The following DCN variants were observed in gnomAD, a reference collection of about 807,000 sequenced individuals.
DCN encodes the protein bone proteoglycan II.
DCN carries 17 observed loss-of-function variants against 36.5 expected under a neutral mutation model. The observed-to-expected ratio is 0.47, with a 90% confidence interval of 0.32 to 0.70. DCN has a LOEUF of 0.70. DCN is among the 30% of genes least tolerant of loss of function. The probability of loss-of-function intolerance (pLI) is 0.04; values close to 1 mark genes in which losing one functional copy is unlikely to be tolerated. For missense variants in DCN, 389 were observed against 430.1 expected (o/e 0.90, Z 0.84); for synonymous variants, 163 against 161.4 (o/e 1.01, Z -0.07).
intron 2 of DCN, among the ~76,000 whole-genome samples, chr12:91,166,414 G>T (rs1882577555): frequency 6.6e-6 from 1 of 152,112 alleles, no homozygotes; most frequent in African/African-American, 2.4e-5. Context: ...ATGTCAATTT[G>T]CTAATTTCAT....
chr12:91,152,322 C>T (rs1478876350), intron 6 of DCN, among the ~76,000 whole-genome samples: 3 of 142,140 alleles, frequency 2.1e-5, no homozygotes, highest in Non-Finnish European at 4.4e-5. Flanking sequence ...TATACACATT[C>T]AAAGATATAT....
chr12:91,163,169 G>A (rs1018572291), intron 3 of DCN, among the ~76,000 whole-genome samples: 5 of 152,178 alleles, frequency 3.3e-5, no homozygotes, highest in African/African-American at 1.2e-4. Context: ...GTGAGAAAAT[G>A]CATTTTATAG....
rs532851544 is a variant in DCN, at chr12:91,175,046, A to T, written c.211+3296T>A. 8 of 152,190 alleles carry T rather than the reference A, an allele frequency of 5.3e-5. No homozygotes were observed. The South Asian group carries it at 1.2e-3, about 24-fold the overall frequency. 9.4% of individuals were successfully genotyped at this position (152,190 alleles called of 1,614,324 possible). A position where few individuals can be genotyped will look rare whatever the true frequency, so the allele number is the denominator to read the frequency against. ...TCCCATCAAAATCAGAACGTTTTAA[A>T]TTTTTTTGATTTTTAGAAGAATGAG... On this transcript the variant is annotated intron_variant, in intron 2 of 7. Transcript: ENST00000052754.
chr12:91,145,804 G>A lies in DCN; in HGVS notation c.*254C>T. ...ATTTACTCCAAATTTTACATTTAGT[G>A]AAATAAGAATATCTCTAGTAGCTCA... On this transcript the variant is annotated 3_prime_UTR_variant, in exon 8 of 8. Transcript: ENST00000052754. 1 of 486,894 alleles carries A rather than the reference G, an allele frequency of 2.1e-6. No individual in the cohort carries two copies. The highest frequency in any genetic ancestry group is 3.7e-6 in the Non-Finnish European group (1 of 270,150). The allele number at this position is 486,894 out of a possible 1,614,324, so 30.2% of individuals were successfully genotyped here.
intron 2 of DCN, among the ~76,000 whole-genome samples, chr12:91,173,481 C>A (rs1425418222): frequency 6.6e-6 from 1 of 152,148 alleles, no homozygotes; most frequent in Non-Finnish European, 1.5e-5. Flanking sequence ...ACTTGTTTAA[C>A]CAGGTCACAT....
rs926605559 is a variant in DCN, at chr12:91,144,985, G to A, written c.*1073C>T. Reference sequence around the variant, plus strand: ...ATTATTTTTTCCCATATGAAACTATGATTTATAGGGGTTTTAACCATCAAA... The same window carrying A: ...ATTATTTTTTCCCATATGAAACTATAATTTATAGGGGTTTTAACCATCAAA... On this transcript the variant is annotated 3_prime_UTR_variant, in exon 8 of 8. Coordinates refer to ENST00000052754, the MANE Select transcript of DCN (RefSeq NM_001920.5). 1.3e-5 allele frequency: 2 copies of A among 152,232 alleles called. No individual in the cohort carries two copies. The highest frequency in any genetic ancestry group is 2.1e-4 in the South Asian group (1 of 4,814). 9.4% of individuals were successfully genotyped at this position (152,232 alleles called of 1,614,324 possible).
chr12:91,171,218 A>G (rs1882935870), intron 2 of DCN, among the ~76,000 whole-genome samples: 1 of 152,200 alleles, frequency 6.6e-6, no homozygotes, highest in Non-Finnish European at 1.5e-5. Context: ...AATTAATTTA[A>G]TTATAATTAT....
chr12:91,155,036 G>A (rs1881670534), intron 5 of DCN, among the ~76,000 whole-genome samples: 1 of 152,088 alleles, frequency 6.6e-6, no homozygotes, highest in East Asian at 1.9e-4. Flanking sequence ...ATCACCAGGA[G>A]GTTGCTGATA....
chr12:91,177,879 T>C, intron 2 of DCN: 1 of 507,840 alleles, frequency 2.0e-6, no homozygotes. Flanking sequence ...TGATAACTGA[T>C]TATTTTACAA....
intron 1 of DCN, chr12:91,179,665 C>G (rs1396560485): frequency 6.6e-6 from 1 of 152,090 alleles, no homozygotes; most frequent in Non-Finnish European, 1.5e-5. Context: ...ACGATTTATT[C>G]CATTTGTTCC....
chr12:91,153,475 G>T (rs962672728), intron 5 of DCN, among the ~76,000 whole-genome samples: 2 of 151,980 alleles, frequency 1.3e-5, no homozygotes, highest in Admixed American at 6.6e-5. Context: ...TGAAGTCAAC[G>T]CTGAGTCTCA....
Position 91,158,305 on chromosome 12 carries a change from T to A in DCN, c.529A>T (p.Ile177Phe), listed in dbSNP as rs201430261. Reference protein sequence around the residue: ...KVTFNGLNQMIVIELGTNPLK... With the variant: ...KVTFNGLNQMFVIELGTNPLK... ...ATAAAAATGTCTGTACCTATGACAA[T>A]CATCTGGTTCAGTCCATTGAAAGTA... The change falls in exon 4 of 8, where the codon ATT becomes TTT. Residue 177 changes from isoleucine (I) to phenylalanine (F), a missense_variant. Transcript: ENST00000052754. 356 of 1,597,200 alleles carry A rather than the reference T, an allele frequency of 2.2e-4. No homozygotes were observed. The highest frequency in any genetic ancestry group is 2.7e-4 in the Non-Finnish European group (314 of 1,164,536).
chr12:91,168,557 A>T (rs1188888004), intron 2 of DCN, among the ~76,000 whole-genome samples: 1 of 152,180 alleles, frequency 6.6e-6, no homozygotes. Flanking sequence ...CTGATTAATT[A>T]ATTTTAAAGT....
chr12:91,178,582 G>T lies in DCN; in HGVS notation c.-30C>A, dbSNP rs755803507. ...TATCTCATGTATTTTCACAACCAGGGAACCTAGGAAACAAATGAGAGATTT... is the reference window on the plus strand; with the variant it reads ...TATCTCATGTATTTTCACAACCAGGTAACCTAGGAAACAAATGAGAGATTT... On this transcript the variant is annotated 5_prime_UTR_variant, in exon 2 of 8. Coordinates refer to ENST00000052754, the MANE Select transcript of DCN (RefSeq NM_001920.5). The T allele has an allele frequency of 1.3e-6, 2 of 1,586,476 alleles. No homozygotes were observed. Among genetic ancestry groups the T allele is most frequent in the Non-Finnish European group, 1.7e-6 (2 of 1,155,166 alleles).
chr12:91,151,375 C>A, intron 7 of DCN: 1 of 396,362 alleles, frequency 2.5e-6, no homozygotes, highest in Non-Finnish European at 4.7e-6. Flanking sequence ...CTCACTATGG[C>A]ACCAACATCA....
Position 91,177,482 on chromosome 12 carries a change from A to C in DCN, c.211+860T>G, listed in dbSNP as rs3138171. On this transcript the variant is annotated intron_variant, in intron 2 of 7. Coordinates refer to ENST00000052754, the MANE Select transcript of DCN (RefSeq NM_001920.5). Reference sequence around the variant, plus strand: ...TTTTTCTTTTCATCTCCAGTAAGAAAATACACCCCTTCAAAAGGAGGAATG... The same window carrying C: ...TTTTTCTTTTCATCTCCAGTAAGAACATACACCCCTTCAAAAGGAGGAATG... 1,992 of 671,938 alleles carry C rather than the reference A, an allele frequency of 3.0e-3. 32 individuals are homozygous for C. The African/African-American group carries it at 0.032, about 11-fold the overall frequency. 41.6% of individuals were successfully genotyped at this position (671,938 alleles called of 1,614,324 possible).
Position 91,180,386 on chromosome 12 carries a change from A to AAGAAAGAAAG in DCN, c.-33-1802_-33-1801insCTTTCTTTCT, listed in dbSNP as rs1491413414. 7 of 150,642 alleles carry AAGAAAGAAAG rather than the reference A, an allele frequency of 4.6e-5. No homozygotes were observed. The East Asian group carries it at 1.4e-3, about 29-fold the overall frequency. The allele number at this position is 150,642 out of a possible 1,614,324, so 9.3% of individuals were successfully genotyped here. On this transcript the variant is annotated intron_variant, in intron 1 of 7. Coordinates refer to ENST00000052754, the MANE Select transcript of DCN (RefSeq NM_001920.5). ...AGAAAGAAAGGAAGAAAGTGAAAGA[A>AAGAAAGAAAG]AGAGAGAGAGAGAGAGAAAGAAAGA...
At chr12:91,148,489 G>A (rs577982039) in intron 7 of DCN, among the ~76,000 whole-genome samples, 120 of 151,954 alleles carry the variant, frequency 7.9e-4, no homozygotes, top group South Asian at 2.5e-3. Context: ...AGGCCGAGGC[G>A]GATGGATCAT....
At chr12:91,156,695 CTT>C (rs76405331) in intron 5 of DCN, among the ~76,000 whole-genome samples, 32 of 142,344 alleles carry the variant, frequency 2.2e-4, no homozygotes, top group Admixed American at 2.8e-4. Flanking sequence ...TCCCATATAT[CTT>C]TTTTTTTTTT....
Sources: allele counts gnomAD v4.1 joint callset (sites outside exome capture counted in the v4.1 genomes callset), GRCh38; gene constraint gnomAD v4.1.1; transcripts MANE v1.5; gene names NCBI Gene and HGNC (gene_info 2026-07-23, HGNC 2026-07-21).